Variants in TRAPPC14 observed in about 807,000 individuals in gnomAD.
TRAPPC14 encodes microtubule associated protein 11.
A neutral mutation model predicts 56.6 loss-of-function variants in TRAPPC14; 24 were observed. The ratio of observed to expected loss-of-function variants is 0.42; its 90% CI spans 0.31 to 0.60. The LOEUF is 0.60. Ranked by LOEUF, TRAPPC14 falls within the 20% of genes least tolerant of loss-of-function variation. The pLI is 0.14. For synonymous variants in TRAPPC14, 377 were observed against 347.0 expected (o/e 1.09, Z -0.96); for missense variants, 615 against 790.3 (o/e 0.78, Z 2.66).
intron 8 of TRAPPC14, chr7:100,156,026 A>G (rs1250786135): frequency 5.2e-6 from 4 of 762,206 alleles, no homozygotes; most frequent in Non-Finnish European, 7.0e-6. Context: ...CAGTATCTGC[A>G]TGACAGCCCC....
chr7:100,157,254 C>A, intron 4 of TRAPPC14, 40 bp from the exon 5 acceptor site: 2 of 1,613,854 alleles, frequency 1.2e-6, no homozygotes, highest in South Asian at 1.1e-5. Flanking sequence ...TAGCTGGACC[C>A]CTCAGGCCCC....
chr7:100,155,986 T>C (rs545202221), intron 8 of TRAPPC14, 161 bp from the exon 9 acceptor site: 3 of 921,926 alleles, frequency 3.3e-6, no homozygotes, highest in East Asian at 4.8e-5. Context: ...TAATACGTAC[T>C]GTGTGCAAGG....
In TRAPPC14 at chr7:100,154,746, C is replaced by G. The variant is rs1354473547; in HGVS notation, c.*265G>C. The G allele has an allele frequency of 1.8e-6, 1 of 546,624 alleles. No homozygotes were observed. Among genetic ancestry groups the G allele is most frequent in the African/African-American group, 1.9e-5 (1 of 52,172 alleles). The allele number at this position is 546,624 out of a possible 1,614,324, so 33.9% of individuals were successfully genotyped here. The stretch of plus-strand genomic sequence containing the variant: ...GTAAAGGGCCGGGGACAAGGGAGCT[C>G]TGGGAACCCTTGCCCTGGCCTAGGG... On this transcript the variant is annotated 3_prime_UTR_variant, in exon 11 of 11. Transcript: ENST00000316937.
chr7:100,156,354 G>A (rs897525520), intron 8 of TRAPPC14, 32 bp downstream of exon 8: 1 of 1,609,486 alleles, frequency 6.2e-7, no homozygotes, highest in African/African-American at 1.3e-5. Flanking sequence ...CCCCTCCCTG[G>A]GGACCAAATT....
rs555937939 is a variant in TRAPPC14, at chr7:100,154,787, C to T, written c.*224G>A. 7 of 591,620 alleles carry T rather than the reference C, an allele frequency of 1.2e-5. No individual in the cohort carries two copies. The highest frequency in any genetic ancestry group is 1.1e-4 in the African/African-American group (6 of 53,548). 36.6% of individuals were successfully genotyped at this position (591,620 alleles called of 1,614,324 possible). ...TGGCCTAGGGGTGGGGCCAGCCCCC[C>T]CCACAGGAACTCGGGGAATACTGGT... On this transcript the variant is annotated 3_prime_UTR_variant, in exon 11 of 11. Coordinates refer to ENST00000316937, the MANE Select transcript of TRAPPC14 (RefSeq NM_018275.5).
At chr7:100,156,781 G>A in intron 6 of TRAPPC14, 64 bp downstream of exon 6, 2 of 1,603,080 alleles carry the variant, frequency 1.2e-6, no homozygotes, top group South Asian at 2.2e-5. Flanking sequence ...TGAGTCAGCT[G>A]CCTGGTCTTT....
In TRAPPC14 at chr7:100,158,646, G is replaced by C; in HGVS notation, c.-147C>G. On this transcript the variant is annotated 5_prime_UTR_variant, in exon 1 of 11. Coordinates refer to ENST00000316937, the MANE Select transcript of TRAPPC14 (RefSeq NM_018275.5). ...AGAGACCGGCCCGGTCCCGGCACCG[G>C]GGCAACGAACCCGAACCGAGACCCG... 1.3e-6 allele frequency: 1 copy of C among 792,594 alleles called. No homozygotes were observed. Among genetic ancestry groups the C allele is most frequent in the Non-Finnish European group, 1.7e-6 (1 of 584,176 alleles). The allele number at this position is 792,594 out of a possible 1,614,324, so 49.1% of individuals were successfully genotyped here.
rs756949200 is a variant in TRAPPC14, at chr7:100,156,642, G to A, written c.1068C>T (p.Thr356=). ...PKLPFTQSIY[T]HYRLPSVRLD... The stretch of plus-strand genomic sequence containing the variant: ...CCAGGATCCACACTCACCGGTAGTG[G>A]GTGTAGATGCTCTGAGTGAAGGGCA... The change falls in exon 7 of 11, where the codon ACC becomes ACT. Residue 356 remains threonine, a synonymous_variant. Coordinates refer to ENST00000316937, the MANE Select transcript of TRAPPC14 (RefSeq NM_018275.5). 4 of 1,612,198 alleles carry A rather than the reference G, an allele frequency of 2.5e-6. No homozygotes were observed. Among genetic ancestry groups the A allele is most frequent in the Non-Finnish European group, 3.4e-6 (4 of 1,178,884 alleles).
At position 100,155,799 on chromosome 7, in the gene TRAPPC14, G is replaced by A. The variant is rs768047277; in HGVS notation, c.1267C>T (p.Arg423Trp). Residue 423 changes from arginine (R) to tryptophan (W), a missense_variant, in exon 9 of 11, where the codon CGG becomes TGG. Coordinates refer to ENST00000316937, the MANE Select transcript of TRAPPC14 (RefSeq NM_018275.5). ...GAGTCCAGGGCAGCCTGCATGGCCC[G>A]GCGCTCCTCCTCACACAGCTGCTTT... is the stretch of plus-strand genomic sequence containing the variant. ...AGKQLCEEER[R>W]AMQAALDSVV... is the part of the protein sequence containing the mutation. 1.7e-5 allele frequency: 28 copies of A among 1,614,084 alleles called. No homozygotes were observed. The highest frequency in any genetic ancestry group is 4.5e-5 in the East Asian group (2 of 44,900).
At chr7:100,157,597 G>A in intron 3 of TRAPPC14, 36 bp downstream of exon 3, 1 of 1,611,180 alleles carries the variant, frequency 6.2e-7, no homozygotes, top group Non-Finnish European at 8.5e-7. Context: ...CCAATTCCCA[G>A]ACTCTAGCCC....
At chr7:100,156,097 A>G in intron 8 of TRAPPC14, 2 of 642,322 alleles carry the variant, frequency 3.1e-6, no homozygotes, top group Non-Finnish European at 5.6e-6. Flanking sequence ...AGGTTAAGTA[A>G]CTTATTCAAG....
intron 9 of TRAPPC14, 105 bp from the exon 10 acceptor site, chr7:100,155,560 C>T (rs1798860620): frequency 6.6e-7 from 1 of 1,506,940 alleles, no homozygotes; most frequent in African/African-American, 1.4e-5. Context: ...CTAAATCCCA[C>T]CTTCCCTCTG....
chr7:100,156,143 C>T (rs1798875508), intron 8 of TRAPPC14: 1 of 614,230 alleles, frequency 1.6e-6, no homozygotes, highest in South Asian at 1.8e-5. Context: ...GTAGAGTTCA[C>T]ACCAGCGAGT....
Position 100,154,668 on chromosome 7 carries a change from T to G in TRAPPC14, c.*343A>C. 7 of 315,674 alleles carry G rather than the reference T, an allele frequency of 2.2e-5. No homozygotes were observed. The highest frequency in any genetic ancestry group is 8.6e-5 in the East Asian group (1 of 11,568). 19.6% of individuals were successfully genotyped at this position (315,674 alleles called of 1,614,324 possible). A position where few individuals can be genotyped will look rare whatever the true frequency, so the allele number is the denominator to read the frequency against. ...GGAGGGAGGGAGGGAATGTCAGAGGTGGGAAAGAACTCAACGGGAATGAGG... is the reference window on the plus strand; with the variant it reads ...GGAGGGAGGGAGGGAATGTCAGAGGGGGGAAAGAACTCAACGGGAATGAGG... On this transcript the variant is annotated 3_prime_UTR_variant, in exon 11 of 11. Coordinates refer to ENST00000316937, the MANE Select transcript of TRAPPC14 (RefSeq NM_018275.5).
chr7:100,155,899 C>T (rs746421701), intron 8 of TRAPPC14, 74 bp from the exon 9 acceptor site: 2 of 1,581,322 alleles, frequency 1.3e-6, no homozygotes, highest in South Asian at 2.2e-5. Context: ...AGCACAGTCT[C>T]ATCTGATTCT....
In TRAPPC14 at chr7:100,157,630, C is replaced by G; in HGVS notation, c.637+3G>C. The G allele has an allele frequency of 6.2e-7, 1 of 1,614,140 alleles. No individual in the cohort carries two copies. Among genetic ancestry groups the G allele is most frequent in the South Asian group, 1.1e-5 (1 of 91,082 alleles). On this transcript the variant is annotated splice_donor_region_variant and intron_variant, in intron 3 of 10. Coordinates refer to ENST00000316937, the MANE Select transcript of TRAPPC14 (RefSeq NM_018275.5). ...CCCTTTGCCTCTGCGCTGCCCTGCC[C>G]ACCTTGGGCCTTGAAAGCGCTCTGC...
chr7:100,155,208 C>A, intron 10 of TRAPPC14, 44 bp from the exon 11 acceptor site: 1 of 1,604,948 alleles, frequency 6.2e-7, no homozygotes. Flanking sequence ...GACCCGGCAC[C>A]CTCGCTGCTC....
Position 100,157,721 on chromosome 7 carries a change from C to A in TRAPPC14, c.549G>T (p.Glu183Asp), listed in dbSNP as rs763116441. 6.2e-7 allele frequency: 1 copy of A among 1,614,220 alleles called. No individual in the cohort carries two copies. The highest frequency in any genetic ancestry group is 8.5e-7 in the Non-Finnish European group (1 of 1,180,042). ...ATCGCAGGTAGCCTTGATCTCTGAC[C>A]TCTGGTGCCTCAATCTCCCGCTTCC... ...TVWKREIEAP[E>D]VRDQGYLRLL... is the part of the protein sequence containing the mutation. The change falls in exon 3 of 11, where the codon GAG becomes GAT. Residue 183 changes from glutamate to aspartate, a missense_variant. Transcript: ENST00000316937.
Position 100,156,321 on chromosome 7 carries a change from T to G in TRAPPC14, c.1240+65A>C. The G allele has an allele frequency of 1.9e-6, 3 of 1,569,312 alleles. 1 individual carries two copies. Among genetic ancestry groups the G allele is most frequent in the Admixed American group, 3.5e-5 (2 of 57,966 alleles). On this transcript the variant is annotated intron_variant, in intron 8 of 10. Coordinates refer to ENST00000316937, the MANE Select transcript of TRAPPC14 (RefSeq NM_018275.5). ...ATTTGGCTGTTTTCACTGTCCTGCCTCCCTGACTTTTTCCTTTCTCTTCCC... is the reference window on the plus strand; with the variant it reads ...ATTTGGCTGTTTTCACTGTCCTGCCGCCCTGACTTTTTCCTTTCTCTTCCC...
Sources: gnomAD v4.1 joint callset for allele counts on GRCh38, gnomAD v4.1.1 for gene constraint, MANE v1.5 for transcripts, NCBI Gene and HGNC (gene_info 2026-07-23, HGNC 2026-07-21) for gene names.